ADAMTS12: variants seen among roughly 807,000 people sequenced by gnomAD.
ADAMTS12 encodes the protein ADAM metallopeptidase with thrombospondin type 1 motif 12.
A neutral mutation model predicts 167.8 loss-of-function variants in ADAMTS12; 118 were observed. The ratio of observed to expected loss-of-function variants is 0.70; its 90% confidence interval spans 0.61 to 0.82. The LOEUF (loss-of-function observed/expected upper bound fraction) is 0.82. Among genes scored for constraint, ADAMTS12 ranks in the 40% least tolerant of loss-of-function variants. ADAMTS12 has a pLI of 0.00. For missense variants in ADAMTS12, 1,916 were observed against 1,998.8 expected (o/e 0.96, Z 0.79); for synonymous variants, 704 against 716.9 (o/e 0.98, Z 0.29).
intron 7 of ADAMTS12, 131 bp from the exon 8 acceptor site, chr5:33,649,828 G>A (rs1287208721): frequency 2.4e-6 from 3 of 1,227,402 alleles, no homozygotes; most frequent in Non-Finnish European, 3.3e-6. Flanking sequence ...TGTTTGCAAA[G>A]TGAGACTTTG....
intron 2 of ADAMTS12, among the ~76,000 whole-genome samples, chr5:33,862,378 C>T (rs1749651844): frequency 6.6e-6 from 1 of 150,650 alleles, no homozygotes; most frequent in Non-Finnish European, 1.5e-5. Context: ...ACTGATCCCA[C>T]AGAAATACAA....
chr5:33,669,016 G>A (rs1292208207), intron 5 of ADAMTS12, among the ~76,000 whole-genome samples: 3 of 152,148 alleles, frequency 2.0e-5, no homozygotes, highest in Non-Finnish European at 4.4e-5. Context: ...AAACAATAAT[G>A]AAACATGCAT....
At chr5:33,831,104 T>C (rs1252261409) in intron 2 of ADAMTS12, among the ~76,000 whole-genome samples, 5 of 152,116 alleles carry the variant, frequency 3.3e-5, no homozygotes, top group African/African-American at 9.7e-5. Context: ...ACCAGAAGAA[T>C]GGTTAAAACA....
At chr5:33,731,138 A>G (rs907749284) in intron 3 of ADAMTS12, among the ~76,000 whole-genome samples, 1 of 152,088 alleles carries the variant, frequency 6.6e-6, no homozygotes, top group African/African-American at 2.4e-5. Context: ...CACTGCTATT[A>G]TGAATTAATA....
Position 33,649,820 on chromosome 5 carries a change from T to C in ADAMTS12, c.1191-123A>G, listed in dbSNP as rs537271249. On this transcript the variant is annotated intron_variant, in intron 7 of 23. Transcript: ENST00000504830. ...GCCACGTTTGTACAGAAGGCAACTG[T>C]TTGCAAAGTGAGACTTTGAAGTCGG... is the stretch of plus-strand genomic sequence containing the variant. 53 of 1,293,078 alleles carry C rather than the reference T, an allele frequency of 4.1e-5. No individual in the cohort carries two copies. The African/African-American group carries it at 7.2e-4, about 18-fold the overall frequency. 80.1% of individuals were successfully genotyped at this position (1,293,078 alleles called of 1,614,324 possible). A position where few individuals can be genotyped will look rare whatever the true frequency, so the allele number is the denominator to read the frequency against.
rs1743848673 is a variant in ADAMTS12 at position 33,526,982 on chromosome 5, T to G, written c.*206A>C. The G allele has an allele frequency of 1.7e-6, 1 of 584,062 alleles. No homozygotes were observed. Among genetic ancestry groups the G allele is most frequent in the Non-Finnish European group, 2.9e-6 (1 of 339,644 alleles). 36.2% of individuals were successfully genotyped at this position (584,062 alleles called of 1,614,324 possible). On this transcript the variant is annotated 3_prime_UTR_variant, in exon 24 of 24. Coordinates refer to ENST00000504830, the MANE Select transcript of ADAMTS12 (RefSeq NM_030955.4). The stretch of plus-strand genomic sequence containing the variant: ...GATTCTCCTAGCTATTTCACCTTCC[T>G]ATCAGGGAGCAGCAAGTACGGCAGC...
intron 9 of ADAMTS12, 55 bp from the exon 10 acceptor site, chr5:33,643,525 C>T: frequency 6.6e-7 from 1 of 1,519,584 alleles, no homozygotes; most frequent in Non-Finnish European, 9.1e-7. Flanking sequence ...CAAAGCATTT[C>T]TATAGTTACA....
intron 3 of ADAMTS12, among the ~76,000 whole-genome samples, chr5:33,717,672 T>C (rs571795865): frequency 7.2e-5 from 11 of 152,300 alleles, no homozygotes; most frequent in African/African-American, 2.6e-4. Flanking sequence ...GTGACTCTAA[T>C]CTTGATATCT....
intron 5 of ADAMTS12, among the ~76,000 whole-genome samples, chr5:33,662,729 T>C (rs1013250963): frequency 6.6e-6 from 1 of 152,196 alleles, no homozygotes; most frequent in South Asian, 2.1e-4. Flanking sequence ...TTACTCCAAA[T>C]TATCTGGATG....
At chr5:33,686,563 G>C (rs115169076) in intron 3 of ADAMTS12, among the ~76,000 whole-genome samples, 2,573 of 152,150 alleles carry the variant, frequency 0.017, 32 homozygotes, top group Admixed American at 0.027. Context: ...AGACGCAGAT[G>C]ATGAAGCCCT....
At chr5:33,830,090 G>A (rs184704193) in intron 2 of ADAMTS12, among the ~76,000 whole-genome samples, 39 of 152,268 alleles carry the variant, frequency 2.6e-4, no homozygotes, top group Admixed American at 6.5e-4. Context: ...TTTGAAATGA[G>A]GTAGACATTT....
At chr5:33,806,512 G>A (rs550411574) in intron 2 of ADAMTS12, among the ~76,000 whole-genome samples, 9 of 152,166 alleles carry the variant, frequency 5.9e-5, no homozygotes, top group East Asian at 3.8e-4. Context: ...AATTTTAAAC[G>A]ATTCAATGAA....
At chr5:33,876,007 T>C (rs2111754338) in intron 2 of ADAMTS12, among the ~76,000 whole-genome samples, 1 of 152,306 alleles carries the variant, frequency 6.6e-6, no homozygotes, top group Middle Eastern at 3.4e-3. Flanking sequence ...ATTATGTGTT[T>C]ACATACTAGC....
intron 5 of ADAMTS12, among the ~76,000 whole-genome samples, chr5:33,681,850 A>G (rs1040131361): frequency 1.3e-5 from 2 of 152,208 alleles, no homozygotes; most frequent in Non-Finnish European, 2.9e-5. Flanking sequence ...ACATAACCAA[A>G]GACCAGAAAG....
intron 5 of ADAMTS12, among the ~76,000 whole-genome samples, chr5:33,669,829 A>C (rs1741607709): frequency 6.6e-6 from 1 of 152,136 alleles, no homozygotes; most frequent in Non-Finnish European, 1.5e-5. Flanking sequence ...ATTTCAATCT[A>C]AACCTCATAG....
At chr5:33,695,795 T>A (rs1742735509) in intron 3 of ADAMTS12, among the ~76,000 whole-genome samples, 1 of 152,200 alleles carries the variant, frequency 6.6e-6, no homozygotes, top group South Asian at 2.1e-4. Context: ...TGATGATGGT[T>A]GTCTAACAAC....
At chr5:33,718,679 C>A (rs1743697885) in intron 3 of ADAMTS12, among the ~76,000 whole-genome samples, 1 of 152,052 alleles carries the variant, frequency 6.6e-6, no homozygotes, top group African/African-American at 2.4e-5. Flanking sequence ...GAAGAATGCC[C>A]ACATGTGATG....
Position 33,641,820 on chromosome 5 carries a change from T to G in ADAMTS12, c.1708A>C (p.Asn570His), listed in dbSNP as rs747993498. The change falls in exon 11 of 24, where the codon AAC becomes CAC. Residue 570 changes from asparagine (N) to histidine (H), a missense_variant. Coordinates refer to ENST00000504830, the MANE Select transcript of ADAMTS12 (RefSeq NM_030955.4). ...TTTATCTGGACTCACTCGGGGTTGTTGCAGAGCCTCTCTGCGCTCTGGACT... is the reference window on the plus strand; with the variant it reads ...TTTATCTGGACTCACTCGGGGTTGTGGCAGAGCCTCTCTGCGCTCTGGACT... ...AGVQSAERLC[N>H]NPEPKFGGKY... The G allele has an allele frequency of 6.2e-7, 1 of 1,610,544 alleles. No homozygotes were observed. Among genetic ancestry groups the G allele is most frequent in the Non-Finnish European group, 8.5e-7 (1 of 1,177,596 alleles).
In ADAMTS12 at chr5:33,754,938, T is replaced by C. The variant is rs147245871; in HGVS notation, c.490-3390A>G. On this transcript the variant is annotated intron_variant, in intron 2 of 23. Coordinates refer to ENST00000504830, the MANE Select transcript of ADAMTS12 (RefSeq NM_030955.4). ...ACTAAAAACTGTTTTAAATAAACTTTATTTTGAAGCATTATAAACATATGG... is the reference window on the plus strand; with the variant it reads ...ACTAAAAACTGTTTTAAATAAACTTCATTTTGAAGCATTATAAACATATGG... Among the ~76,000 whole-genome samples, 89 of 152,336 alleles carry C rather than the reference T, an allele frequency of 5.8e-4. No individual in the cohort carries two copies. The East Asian group carries it at 0.014, about 24-fold the overall frequency.
Sources: allele counts gnomAD v4.1 joint callset (sites outside exome capture counted in the v4.1 genomes callset), GRCh38; gene constraint gnomAD v4.1.1; transcripts MANE v1.5; gene names NCBI Gene and HGNC (gene_info 2026-07-23, HGNC 2026-07-21).